The following APOL2 variants were observed in gnomAD, a reference collection of about 807,000 sequenced individuals.
APOL2 encodes the protein apolipoprotein L2.
In APOL2, 8 loss-of-function variants were observed where a neutral mutation model predicts 7.1. The observed-to-expected ratio is 1.12, with a 90% CI of 0.66 to 2.03. APOL2 has a LOEUF of 2.03. Ranked by LOEUF, APOL2 falls within the 30% of genes most tolerant of loss-of-function variation. APOL2 has a pLI of 0.00. For missense variants in APOL2, 471 were observed against 415.1 expected (o/e 1.13, Z -1.17); for synonymous variants, 177 against 159.9 (o/e 1.11, Z -0.81).
rs374037766 is a variant in APOL2 at position 36,231,339 on chromosome 22, C to T, written c.137+1G>A. On this transcript the variant is annotated splice_donor_variant, in intron 4 of 4. Transcript: ENST00000358502. LOFTEE classifies it high-confidence loss of function. ...CATGGAGTTAACCCCATGGAGCTTA[C>T]CTGGGCAGTTCAGCAGCAGCCACGA... The T allele has an allele frequency of 7.4e-6, 12 of 1,613,890 alleles. No individual in the cohort carries two copies. In the African/African-American group the frequency reaches 1.3e-4, roughly 18 times the overall value.
intron 1 of APOL2, among the ~76,000 whole-genome samples, chr22:36,235,274 C>G (rs2015358376): frequency 6.6e-6 from 1 of 152,178 alleles, no homozygotes; most frequent in Non-Finnish European, 1.5e-5. Context: ...CAGTGGGTTC[C>G]CATTCAATCA....
Position 36,226,341 on chromosome 22 carries a change from G to A in APOL2, c.*1063C>T, listed in dbSNP as rs1002797582. On this transcript the variant is annotated 3_prime_UTR_variant, in exon 5 of 5. Transcript: ENST00000358502. ...CTAATCTTCTGACTGTTTACTTACCGGCTAAGAGCGATGGGACTGTTTTCA... is the reference window on the plus strand; with the variant it reads ...CTAATCTTCTGACTGTTTACTTACCAGCTAAGAGCGATGGGACTGTTTTCA... 1 of 152,224 alleles carries A rather than the reference G, an allele frequency of 6.6e-6. No homozygotes were observed. The highest frequency in any genetic ancestry group is 1.5e-5 in the Non-Finnish European group (1 of 68,072). The allele number at this position is 152,224 out of a possible 1,614,324, so 9.4% of individuals were successfully genotyped here.
chr22:36,239,726 A>C, upstream of APOL2: 2 of 547,038 alleles, frequency 3.7e-6, no homozygotes, highest in Non-Finnish European at 6.6e-6. Flanking sequence ...CTCTCATCCA[A>C]CCCACCTGCC....
chr22:36,231,938 G>A (rs1367625601), intron 3 of APOL2, among the ~76,000 whole-genome samples: 2 of 152,132 alleles, frequency 1.3e-5, no homozygotes, highest in African/African-American at 4.8e-5. Context: ...CCATCCCTGA[G>A]CCTGTGCTTC....
At position 36,227,857 on chromosome 22, in the gene APOL2, G is replaced by T; in HGVS notation, c.561C>A (p.Ser187Arg). Reference sequence around the variant, plus strand: ...TCATCACCTTTGCTACATTGGTGCCGCTTTGGTCCAAGTTGCGGGCTTGGG... The same window carrying T: ...TCATCACCTTTGCTACATTGGTGCCTCTTTGGTCCAAGTTGCGGGCTTGGG... The part of the protein sequence containing the change: ...ARAQARNLDQ[S>R]GTNVAKVMKE... The change falls in exon 5 of 5, where the codon AGC becomes AGA. Residue 187 changes from serine (S) to arginine (R), a missense_variant. Ser to Arg is a moderately radical substitution (Grantham distance 110, BLOSUM62 -1). Coordinates refer to ENST00000358502, the MANE Select transcript of APOL2 (RefSeq NM_030882.4). The T allele has an allele frequency of 6.2e-7, 1 of 1,614,178 alleles. No homozygotes were observed. The highest frequency in any genetic ancestry group is 8.5e-7 in the Non-Finnish European group (1 of 1,180,042).
At position 36,228,273 on chromosome 22, in the gene APOL2, C is replaced by T. The variant is rs201730140; in HGVS notation, c.145G>A (p.Ala49Thr). Residue 49 changes from alanine to threonine, a missense_variant, in exon 5 of 5, where the codon GCA becomes ACA. Physicochemically the swap from Ala to Thr is moderately conservative, Grantham distance 58. Transcript: ENST00000358502. ...VAAAELPRDE[A>T]DELRKALNKL... is the part of the protein sequence containing the mutation. ...TTCAGAGCTTTACGGAGCTCATCTG[C>T]CTCATCCCTGCACAAGGAAAGGTTA... 1.2e-6 allele frequency: 2 copies of T among 1,612,680 alleles called. No homozygotes were observed. Among genetic ancestry groups the T allele is most frequent in the Non-Finnish European group, 1.7e-6 (2 of 1,179,358 alleles).
intron 4 of APOL2, among the ~76,000 whole-genome samples, chr22:36,230,919 A>G (rs2015200370): frequency 6.6e-6 from 1 of 152,226 alleles, no homozygotes; most frequent in African/African-American, 2.4e-5. Context: ...ATCTTCAAGA[A>G]GAAGATCCTT....
At chr22:36,235,085 G>A (rs1457193198) in intron 1 of APOL2, among the ~76,000 whole-genome samples, 2 of 152,252 alleles carry the variant, frequency 1.3e-5, no homozygotes, top group Non-Finnish European at 2.9e-5. Context: ...AATGCCAAGA[G>A]GGCATCCAGC....
intron 1 of APOL2, among the ~76,000 whole-genome samples, chr22:36,238,616 C>T (rs1050446227): frequency 4.6e-5 from 7 of 152,232 alleles, no homozygotes; most frequent in East Asian, 1.9e-4. Context: ...TAAGCTCTCA[C>T]TCCTGTAGTT....
chr22:36,239,240 A>G (rs2015517828), intron 1 of APOL2: 6 of 1,368,492 alleles, frequency 4.4e-6, no homozygotes, highest in Admixed American at 3.1e-5. Context: ...CTCTCTCTAC[A>G]GTTTACCCGC....
chr22:36,231,302 G>A (rs767645808), intron 4 of APOL2, 38 bp downstream of exon 4: 45 of 1,603,376 alleles, frequency 2.8e-5, no homozygotes, highest in Non-Finnish European at 3.2e-5. Flanking sequence ...GAGTGGCATC[G>A]CTGGGGCGCC....
Position 36,231,410 on chromosome 22 carries a change from C to G in APOL2, c.67G>C (p.Glu23Gln), listed in dbSNP as rs768066276. Residue 23 changes from glutamate to glutamine, a missense_variant, in exon 4 of 5, where the codon GAG (glutamate) becomes CAG (glutamine). Glu to Gln is a conservative substitution (Grantham distance 29, BLOSUM62 2). Transcript: ENST00000358502. ...TCAGTCAGCAGTTGTAGCAGATTCT[C>G]TCTGCTCACTTGGTCCTGGAAATAC... ...LKYFQDQVSR[E>Q]NLLQLLTDDE... 2 of 1,613,932 alleles carry G rather than the reference C, an allele frequency of 1.2e-6. No homozygotes were observed. The highest frequency in any genetic ancestry group is 2.7e-5 in the African/African-American group (2 of 74,926).
chr22:36,231,619 C>T (rs147473825), intron 3 of APOL2, among the ~76,000 whole-genome samples, 153 bp from the exon 4 acceptor site: 66 of 152,224 alleles, frequency 4.3e-4, no homozygotes, highest in African/African-American at 1.4e-3. Context: ...GGATTGTGTG[C>T]CCCCAAAATT....
intron 1 of APOL2, chr22:36,236,982 C>T: frequency 7.3e-7 from 1 of 1,378,234 alleles, no homozygotes; most frequent in Non-Finnish European, 9.4e-7. Flanking sequence ...GTCTCAACGC[C>T]ATCTCATGAG....
At chr22:36,236,421 T>C (rs918517899) in intron 1 of APOL2, among the ~76,000 whole-genome samples, 3 of 152,180 alleles carry the variant, frequency 2.0e-5, no homozygotes, top group Non-Finnish European at 4.4e-5. Flanking sequence ...AAGTTGCTAA[T>C]GGAGGACATA....
chr22:36,229,084 C>G (rs570877992), intron 4 of APOL2, among the ~76,000 whole-genome samples: 2 of 152,348 alleles, frequency 1.3e-5, no homozygotes, highest in African/African-American at 4.8e-5. Context: ...CTTGCACCAC[C>G]TTGGCTCAGC....
Position 36,227,299 on chromosome 22 carries a change from G to A in APOL2, c.*105C>T. 6 of 1,367,944 alleles carry A rather than the reference G, an allele frequency of 4.4e-6. No individual in the cohort carries two copies. Among genetic ancestry groups the A allele is most frequent in the Non-Finnish European group, 5.8e-6 (6 of 1,040,684 alleles). 84.7% of individuals were successfully genotyped at this position (1,367,944 alleles called of 1,614,324 possible). A position where few individuals can be genotyped will look rare whatever the true frequency, so the allele number is the denominator to read the frequency against. Reference sequence around the variant, plus strand: ...CCACTGCACTCCATCCTGGGCGATAGAGCGAGACTCCATCTCAAAAAAAAA... The same window carrying A: ...CCACTGCACTCCATCCTGGGCGATAAAGCGAGACTCCATCTCAAAAAAAAA... On this transcript the variant is annotated 3_prime_UTR_variant, in exon 5 of 5. Coordinates refer to ENST00000358502, the MANE Select transcript of APOL2 (RefSeq NM_030882.4).
At chr22:36,235,631 A>G (rs1352982439) in intron 1 of APOL2, among the ~76,000 whole-genome samples, 3 of 152,156 alleles carry the variant, frequency 2.0e-5, no homozygotes, top group African/African-American at 7.2e-5. Context: ...AAAATAAACC[A>G]AAAAGATGAC....
At position 36,238,018 on chromosome 22, in the gene APOL2, C is replaced by T. The variant is rs139865373; in HGVS notation, c.-134+1423G>A. Among the ~76,000 whole-genome samples, 974 of 152,280 alleles carry T rather than the reference C, an allele frequency of 6.4e-3. 57 individuals carry two copies. Among genetic ancestry groups the T allele is most frequent in the Admixed American group, 0.058 (889 of 15,304 alleles). On this transcript the variant is annotated intron_variant, in intron 1 of 4. Transcript: ENST00000358502. ...ACCCAAAGCTGCCTGGTCCATGCGG[C>T]GGCCCCCAACCCTCCCCAGGCTCCC...
Sources: gnomAD v4.1 joint callset for allele counts (sites outside exome capture counted in the v4.1 genomes callset) on GRCh38, gnomAD v4.1.1 for gene constraint, MANE v1.5 for transcripts, NCBI Gene and HGNC (gene_info 2026-07-23, HGNC 2026-07-21) for gene names.